The following HTR4 variants were observed in gnomAD, a reference collection of about 807,000 sequenced individuals.
HTR4 encodes 5-hydroxytryptamine (serotonin) receptor 4, G protein-coupled.
A neutral mutation model predicts 36.8 loss-of-function variants in HTR4; 16 were observed. The ratio of observed to expected loss-of-function variants is 0.43; its 90% CI spans 0.29 to 0.66. The LOEUF is 0.66. Ranked by LOEUF, HTR4 falls within the 30% of genes least tolerant of loss-of-function variation. HTR4 has a pLI of 0.13. For missense variants in HTR4, 438 were observed against 490.9 expected, an observed-to-expected ratio of 0.89 and a Z score of 1.02; for synonymous variants, 189 against 185.1, an observed-to-expected ratio of 1.02 and a Z score of -0.17.
At chr5:148,582,638 C>G (rs964956715) in intron 2 of HTR4, among the ~76,000 whole-genome samples, 1 of 152,104 alleles carries the variant, frequency 6.6e-6, no homozygotes, top group Non-Finnish European at 1.5e-5. Context: ...TACAGAGTCT[C>G]CTTTGGTGAC....
chr5:148,547,391 C>T (rs559922185), intron 4 of HTR4, among the ~76,000 whole-genome samples: 173 of 151,864 alleles, frequency 1.1e-3, no homozygotes, highest in African/African-American at 4.0e-3. Context: ...TGGTGGCGGG[C>T]GCTTGTAGTC....
chr5:148,627,354 T>C (rs1753153192), intron 2 of HTR4, among the ~76,000 whole-genome samples: 1 of 152,200 alleles, frequency 6.6e-6, no homozygotes, highest in South Asian at 2.1e-4. Flanking sequence ...TTTTTTAACA[T>C]TTAAAAAATG....
rs1342012534 is a variant in HTR4, at chr5:148,654,078, G to A, written c.-64C>T. On this transcript the variant is annotated 5_prime_UTR_variant, in exon 1 of 7. Transcript: ENST00000377888. ...CGCACATACCCGCTGCCAGAGGCGA[G>A]GGAGCGAGGTGCCCTGGCAGATTCG... The A allele has an allele frequency of 2.0e-6, 2 of 985,248 alleles. No individual in the cohort carries two copies. Among genetic ancestry groups the A allele is most frequent in the Admixed American group, 6.1e-5 (1 of 16,272 alleles). 61.0% of individuals were successfully genotyped at this position (985,248 alleles called of 1,614,324 possible). A position where few individuals can be genotyped will look rare whatever the true frequency, so the allele number is the denominator to read the frequency against.
chr5:148,544,384 T>A (rs2113838225), intron 4 of HTR4, among the ~76,000 whole-genome samples: 1 of 152,188 alleles, frequency 6.6e-6, no homozygotes, highest in South Asian at 2.1e-4. Flanking sequence ...TCTCTATATT[T>A]ATTTTACAAA....
At chr5:148,466,813 C>T (rs963118047) in intron 5 of HTR4, among the ~76,000 whole-genome samples, 2 of 152,194 alleles carry the variant, frequency 1.3e-5, no homozygotes, top group African/African-American at 2.4e-5. Flanking sequence ...ATTAAGTGGT[C>T]ATTTAGACCT....
chr5:148,582,347 G>A lies in HTR4; in HGVS notation c.27-32085C>T, dbSNP rs144719406. On this transcript the variant is annotated intron_variant, in intron 2 of 6. Coordinates refer to ENST00000377888, the MANE Select transcript of HTR4 (RefSeq NM_000870.7). Reference sequence around the variant, plus strand: ...AGGGGTACATGTGTGGGTTTGTTACGTGGGTATATTGTGTGATGCTGAGGT... The same window carrying A: ...AGGGGTACATGTGTGGGTTTGTTACATGGGTATATTGTGTGATGCTGAGGT... 3.8e-4 allele frequency among the ~76,000 whole-genome samples: 57 copies of A among 151,944 alleles called. 1 individual carries two copies. The South Asian group carries it at 7.1e-3, about 19-fold the overall frequency.
intron 2 of HTR4, among the ~76,000 whole-genome samples, chr5:148,594,068 A>C (rs1761676037): frequency 6.6e-6 from 1 of 152,220 alleles, no homozygotes; most frequent in Non-Finnish European, 1.5e-5. Flanking sequence ...AGTATATTAA[A>C]TTGTAGTCAG....
At chr5:148,640,570 C>A (rs1368924111) in intron 1 of HTR4, among the ~76,000 whole-genome samples, 2 of 152,162 alleles carry the variant, frequency 1.3e-5, no homozygotes, top group East Asian at 3.8e-4. Flanking sequence ...ACAGGGAATG[C>A]CAGTGTCCTG....
intron 1 of HTR4, among the ~76,000 whole-genome samples, chr5:148,647,501 T>C (rs1279866148): frequency 6.6e-6 from 1 of 152,144 alleles, no homozygotes; most frequent in African/African-American, 2.4e-5. Context: ...ACCTGAACTT[T>C]AGTGAGTCTT....
At chr5:148,458,119 TAAAATA>T (rs1408712810) in intron 5 of HTR4, among the ~76,000 whole-genome samples, 1 of 140,056 alleles carries the variant, frequency 7.1e-6, no homozygotes, top group African/African-American at 2.6e-5. Flanking sequence ...AAATAGATCT[TAAAATA>T]TAATATATTT....
At chr5:148,453,710 C>T (rs1196783059) in intron 5 of HTR4, among the ~76,000 whole-genome samples, 1 of 152,142 alleles carries the variant, frequency 6.6e-6, no homozygotes, top group Non-Finnish European at 1.5e-5. Flanking sequence ...TTGAAAATCC[C>T]TATAAGGCTC....
chr5:148,578,612 GCA>G (rs943261421), intron 2 of HTR4, among the ~76,000 whole-genome samples: 3 of 152,060 alleles, frequency 2.0e-5, no homozygotes, highest in African/African-American at 7.2e-5. Context: ...ATCGCTAAAA[GCA>G]CAGTCTTTAG....
intron 2 of HTR4, among the ~76,000 whole-genome samples, chr5:148,550,832 C>T (rs543432648): frequency 1.3e-5 from 2 of 152,114 alleles, no homozygotes; most frequent in Non-Finnish European, 2.9e-5. Flanking sequence ...GCATGATCCA[C>T]GATCCAATCA....
intron 2 of HTR4, among the ~76,000 whole-genome samples, chr5:148,568,243 G>A (rs555403693): frequency 6.6e-6 from 1 of 152,122 alleles, no homozygotes; most frequent in South Asian, 2.1e-4. Context: ...TTAAAGTTTA[G>A]GGTTTTTGGC....
chr5:148,579,109 T>G (rs1389557862), intron 2 of HTR4, among the ~76,000 whole-genome samples: 2 of 152,114 alleles, frequency 1.3e-5, no homozygotes, highest in Non-Finnish European at 2.9e-5. Context: ...AGCTGTCAGT[T>G]TCTGCCAATT....
intron 4 of HTR4, among the ~76,000 whole-genome samples, chr5:148,540,245 G>T (rs559625300): frequency 4.6e-5 from 7 of 151,230 alleles, no homozygotes; most frequent in Non-Finnish European, 1.0e-4. Flanking sequence ...AGGAGGGAGA[G>T]GAGTAGAAAA....
At chr5:148,489,812 C>T (rs1756331663) in intron 6 of HTR4, among the ~76,000 whole-genome samples, 1 of 152,072 alleles carries the variant, frequency 6.6e-6, no homozygotes, top group Non-Finnish European at 1.5e-5. Context: ...TTCATATACC[C>T]TTCCCTCTCT....
At chr5:148,467,658 A>G (rs1423945412) in intron 5 of HTR4, among the ~76,000 whole-genome samples, 2 of 152,236 alleles carry the variant, frequency 1.3e-5, no homozygotes, top group Admixed American at 6.5e-5. Flanking sequence ...GAAACTGTAT[A>G]ATTTGTATAA....
chr5:148,553,899 G>A (rs1262958904), intron 2 of HTR4, among the ~76,000 whole-genome samples: 1 of 152,192 alleles, frequency 6.6e-6, no homozygotes, highest in African/African-American at 2.4e-5. Context: ...AGAATTGAAA[G>A]CAGGGATACA....
Sources: allele counts gnomAD v4.1 joint callset (sites outside exome capture counted in the v4.1 genomes callset), GRCh38; gene constraint gnomAD v4.1.1; transcripts MANE v1.5; gene names NCBI Gene and HGNC (gene_info 2026-07-23, HGNC 2026-07-21).